NCOR1: variants seen among roughly 807,000 people sequenced by gnomAD.
NCOR1 encodes the protein nuclear receptor corepressor 1.
NCOR1 carries 63 observed loss-of-function variants against 288.1 expected under a neutral mutation model. The ratio of observed to expected loss-of-function variants is 0.22; its 90% CI spans 0.18 to 0.27. The LOEUF (loss-of-function observed/expected upper bound fraction) is 0.27. Ranked by LOEUF, NCOR1 falls within the 10% of genes least tolerant of loss-of-function variation. The pLI is 1.00. For missense variants in NCOR1, 2,397 were observed against 3,019.2 expected, an observed-to-expected ratio of 0.79 and a Z score of 4.83; for synonymous variants, 1,007 against 1,065.9, an observed-to-expected ratio of 0.94 and a Z score of 1.08.
rs1322913887 is a variant in NCOR1, at chr17:16,031,829, T to TAAG, written c.*466_*467insCTT. 4.3e-6 allele frequency: 1 copy of TAAG among 232,212 alleles called. No homozygotes were observed. Among genetic ancestry groups the TAAG allele is most frequent in the African/African-American group, 2.2e-5 (1 of 45,252 alleles). 14.4% of individuals were successfully genotyped at this position (232,212 alleles called of 1,614,324 possible). On this transcript the variant is annotated 3_prime_UTR_variant, in exon 46 of 46. Coordinates refer to ENST00000268712, the MANE Select transcript of NCOR1 (RefSeq NM_006311.4). ...ATTATGTAACTGGGCTGTATGAGGT[T>TAAG]GTTTAGAAGGCTAGGGTTAAAAAGA...
chr17:16,166,446 T>C (rs1422952703), intron 4 of NCOR1, among the ~76,000 whole-genome samples: 5 of 152,140 alleles, frequency 3.3e-5, no homozygotes, highest in Admixed American at 6.5e-5. Context: ...TTTGGGATGC[T>C]GACGCAGGCA....
At chr17:16,106,007 G>A (rs1458698501) in intron 19 of NCOR1, among the ~76,000 whole-genome samples, 6 of 152,180 alleles carry the variant, frequency 3.9e-5, no homozygotes, top group African/African-American at 1.4e-4. Flanking sequence ...GGCTGAGGCA[G>A]GGGAATTGCT....
At chr17:16,113,106 G>A (rs1419550683) in intron 18 of NCOR1, among the ~76,000 whole-genome samples, 4 of 148,742 alleles carry the variant, frequency 2.7e-5, no homozygotes, top group South Asian at 2.2e-4. Context: ...TAGTAGAGAC[G>A]GGGTTTCACC....
At chr17:16,203,008 C>G (rs537587882) in intron 1 of NCOR1, among the ~76,000 whole-genome samples, 1 of 151,188 alleles carries the variant, frequency 6.6e-6, no homozygotes, top group South Asian at 2.1e-4. Context: ...TCAGTAACAC[C>G]CACTCCAACA....
At chr17:16,113,556 T>A (rs2070801491) in intron 18 of NCOR1, among the ~76,000 whole-genome samples, 2 of 152,160 alleles carry the variant, frequency 1.3e-5, no homozygotes, top group South Asian at 4.1e-4. Context: ...AGTTACAATA[T>A]GAAATCTTAT....
At chr17:16,185,324 A>G (rs1410034647) in intron 3 of NCOR1, among the ~76,000 whole-genome samples, 3 of 152,154 alleles carry the variant, frequency 2.0e-5, no homozygotes, top group Non-Finnish European at 4.4e-5. Flanking sequence ...CACCATAGTG[A>G]CCTTTTTATT....
chr17:16,161,926 T>C (rs1433384846), intron 5 of NCOR1, among the ~76,000 whole-genome samples: 3 of 152,130 alleles, frequency 2.0e-5, no homozygotes, highest in East Asian at 1.9e-4. Flanking sequence ...AAAACAATCA[T>C]GTGATTTAGT....
chr17:16,177,093 T>C (rs980458031), intron 3 of NCOR1, among the ~76,000 whole-genome samples: 4 of 152,042 alleles, frequency 2.6e-5, no homozygotes, highest in Admixed American at 6.5e-5. Flanking sequence ...GCACTCACTC[T>C]AATTATATCA....
chr17:16,109,779 G>T (rs548234071), intron 18 of NCOR1, among the ~76,000 whole-genome samples: 2 of 152,004 alleles, frequency 1.3e-5, no homozygotes, highest in Non-Finnish European at 2.9e-5. Context: ...CTGTCACCCA[G>T]GCTGGAGTGC....
intron 9 of NCOR1, 41 bp from the exon 10 acceptor site, chr17:16,146,589 ACT>A: frequency 1.3e-6 from 2 of 1,490,684 alleles, no homozygotes; most frequent in Non-Finnish European, 1.8e-6. Context: ...ATTAAACTAA[ACT>A]CTGATTCTGA....
At chr17:16,039,311 A>G (rs1416646553) in intron 44 of NCOR1, 122 bp downstream of exon 44, 1 of 920,230 alleles carries the variant, frequency 1.1e-6, no homozygotes, top group African/African-American at 1.7e-5. Context: ...CGGAAACCCT[A>G]AGAGGTGACT....
intron 26 of NCOR1, among the ~76,000 whole-genome samples, chr17:16,076,297 T>C (rs533559675): frequency 1.3e-5 from 2 of 152,214 alleles, no homozygotes; most frequent in African/African-American, 2.4e-5. Flanking sequence ...TCAAAATGGG[T>C]TGTAAAGCAG....
chr17:16,074,563 G>C (rs886088130), intron 27 of NCOR1, among the ~76,000 whole-genome samples: 1 of 152,174 alleles, frequency 6.6e-6, no homozygotes, highest in African/African-American at 2.4e-5. Context: ...AGTGAAATAA[G>C]AATGCTATCA....
chr17:16,036,439 C>A (rs1180750128), intron 44 of NCOR1, among the ~76,000 whole-genome samples: 2 of 152,196 alleles, frequency 1.3e-5, no homozygotes, highest in African/African-American at 4.8e-5. Context: ...ACTTAAAAGT[C>A]ACCACCTGCA....
chr17:16,138,475 C>T (rs2076741183), intron 12 of NCOR1, among the ~76,000 whole-genome samples: 1 of 152,154 alleles, frequency 6.6e-6, no homozygotes, highest in Admixed American at 6.5e-5. Context: ...GTCCCACCTA[C>T]TCAGGAAGCT....
In NCOR1 at chr17:16,034,439, T is replaced by G. The variant is rs138990753; in HGVS notation, c.7135+326A>C. 1.6e-3 allele frequency among the ~76,000 whole-genome samples: 239 copies of G among 151,716 alleles called. 1 individual carries two copies. The highest frequency in any genetic ancestry group is 5.0e-3 in the African/African-American group (207 of 41,372). ...CCTTGTCCCTACAAAAAATAAAAATTAAAATGAAAATGAAAAAAATTAGCC... is the reference window on the plus strand; with the variant it reads ...CCTTGTCCCTACAAAAAATAAAAATGAAAATGAAAATGAAAAAAATTAGCC... On this transcript the variant is annotated intron_variant, in intron 45 of 45. Transcript: ENST00000268712.
At chr17:16,183,753 T>C (rs1018307565) in intron 3 of NCOR1, among the ~76,000 whole-genome samples, 2 of 151,968 alleles carry the variant, frequency 1.3e-5, no homozygotes, top group Non-Finnish European at 2.9e-5. Context: ...AAAATTCACA[T>C]GGAAGTATAA....
At chr17:16,197,656 T>C (rs1397493329) in intron 1 of NCOR1, among the ~76,000 whole-genome samples, 1 of 152,214 alleles carries the variant, frequency 6.6e-6, no homozygotes, top group African/African-American at 2.4e-5. Context: ...TTTTCTGCAA[T>C]GCTTTGCAGC....
At position 16,061,602 on chromosome 17, in the gene NCOR1, G is replaced by C; in HGVS notation, c.5680C>G (p.Pro1894Ala). 5 of 1,614,224 alleles carry C rather than the reference G, an allele frequency of 3.1e-6. No homozygotes were observed. Among genetic ancestry groups the C allele is most frequent in the Non-Finnish European group, 4.2e-6 (5 of 1,180,040 alleles). ...TCAGAATAAACTACTGAAGAATGAG[G>C]CTGGGGCTTGCCACTTGGAAAGGCT... is the stretch of plus-strand genomic sequence containing the variant. The part of the protein sequence containing the change: ...SSAFPSGKPQ[P>A]HSSVVYSEAG... The change falls in exon 37 of 46, where the codon CCT becomes GCT. Residue 1894 changes from proline to alanine, a missense_variant. Transcript: ENST00000268712.
Sources: gnomAD v4.1 joint callset for allele counts (sites outside exome capture counted in the v4.1 genomes callset) on GRCh38, gnomAD v4.1.1 for gene constraint, MANE v1.5 for transcripts, NCBI Gene and HGNC (gene_info 2026-07-23, HGNC 2026-07-21) for gene names.